Variants in SLC26A8 observed in about 807,000 individuals in gnomAD.
The protein encoded by SLC26A8 is testis anion transporter 1.
A neutral mutation model predicts 105.0 loss-of-function variants in SLC26A8; 70 were observed. The ratio of observed to expected loss-of-function variants is 0.67; its 90% confidence interval spans 0.55 to 0.81. The LOEUF (loss-of-function observed/expected upper bound fraction) is 0.81. Ranked by LOEUF, SLC26A8 falls within the 40% of genes least tolerant of loss-of-function variation. SLC26A8 has a pLI of 0.00. For synonymous variants in SLC26A8, 415 were observed against 438.3 expected (o/e 0.95, Z 0.66); for missense variants, 998 against 1,181.8 (o/e 0.84, Z 2.28).
At chr6:35,969,212 CTT>C (rs1772682764) in intron 10 of SLC26A8, 1 of 438,974 alleles carries the variant, frequency 2.3e-6, no homozygotes, top group African/African-American at 2.0e-5. Flanking sequence ...GCATTTGAAT[CTT>C]TACTGCCACT....
intron 10 of SLC26A8, among the ~76,000 whole-genome samples, chr6:35,972,826 C>T (rs1315332173): frequency 1.3e-5 from 2 of 152,228 alleles, no homozygotes; most frequent in East Asian, 1.9e-4. Context: ...CAATCGTCTG[C>T]CAAAACCCTC....
intron 16 of SLC26A8, among the ~76,000 whole-genome samples, chr6:35,956,935 A>C (rs1442602199): frequency 6.6e-6 from 1 of 151,748 alleles, no homozygotes; most frequent in East Asian, 1.9e-4. Flanking sequence ...AAAAAAAAAA[A>C]AACAAAAGCT....
chr6:35,979,407 C>T (rs939186693), intron 8 of SLC26A8, among the ~76,000 whole-genome samples: 4 of 151,962 alleles, frequency 2.6e-5, no homozygotes, highest in Admixed American at 2.6e-4. Context: ...ACCCGGGAGG[C>T]GGAGGTTGCA....
chr6:36,014,268 C>T (rs1260199823), intron 2 of SLC26A8, among the ~76,000 whole-genome samples: 1 of 152,164 alleles, frequency 6.6e-6, no homozygotes, highest in Non-Finnish European at 1.5e-5. Flanking sequence ...GCAAAGTCAT[C>T]AAAGCTCTTC....
intron 4 of SLC26A8, among the ~76,000 whole-genome samples, chr6:35,998,257 T>C (rs983720386): frequency 6.6e-6 from 1 of 151,996 alleles, no homozygotes; most frequent in African/African-American, 2.4e-5. Flanking sequence ...AGTGAAAATA[T>C]TAGAAAAGAA....
chr6:35,944,314 G>C lies in SLC26A8; in HGVS notation c.2499C>G (p.Ser833Arg). ...TTTTTTGGCTTCCTAGAAAACTGCT[G>C]CTCATTTTATATCTTGAATTGTCAT... ...DKNDNSRYKM[S>R]SSFLGSQKNV... is the part of the protein sequence containing the mutation. The change falls in exon 20 of 20, where the codon AGC becomes AGG. Residue 833 changes from serine to arginine, a missense_variant. By Grantham distance (110) the Ser-to-Arg change is moderately radical. Transcript: ENST00000490799. 1 of 1,612,884 alleles carries C rather than the reference G, an allele frequency of 6.2e-7. No homozygotes were observed.
rs576054499 is a variant in SLC26A8 at position 36,014,072 on chromosome 6, A to T, written c.189-1700T>A. 3.9e-5 allele frequency among the ~76,000 whole-genome samples: 6 copies of T among 152,356 alleles called. No homozygotes were observed. In the South Asian group the frequency reaches 1.2e-3, roughly 32 times the overall value. On this transcript the variant is annotated intron_variant, in intron 2 of 19. Transcript: ENST00000490799. ...GAGTAAGACCATTGGTTTGGAAGGA[A>T]CATCACATTGCTGTTCTTAGGAGAG...
At chr6:35,951,569 G>A in intron 17 of SLC26A8, 70 bp from the exon 18 acceptor site, 2 of 1,550,284 alleles carry the variant, frequency 1.3e-6, no homozygotes, top group East Asian at 4.5e-5. Context: ...AATTAGCTAA[G>A]TTTTTGTCTT....
intron 2 of SLC26A8, among the ~76,000 whole-genome samples, chr6:36,015,994 GTTTT>G (rs1195602569): frequency 6.9e-6 from 1 of 145,268 alleles, no homozygotes; most frequent in African/African-American, 2.5e-5. Flanking sequence ...AGGATTCTTT[GTTTT>G]TTTTTTTTCT....
chr6:36,015,724 A>G lies in SLC26A8; in HGVS notation c.189-3352T>C, dbSNP rs556240295. On this transcript the variant is annotated intron_variant, in intron 2 of 19. Transcript: ENST00000490799. Reference sequence around the variant, plus strand: ...CATGTCCCCCGATCCATCATGGAGCAGAGGAAGTGAGAGGACTGGGGGGGA... The same window carrying G: ...CATGTCCCCCGATCCATCATGGAGCGGAGGAAGTGAGAGGACTGGGGGGGA... Among the ~76,000 whole-genome samples, 60 of 152,196 alleles carry G rather than the reference A, an allele frequency of 3.9e-4. 1 individual carries two copies. Among genetic ancestry groups the G allele is most frequent in the Non-Finnish European group, 2.9e-5 (2 of 68,022 alleles).
intron 10 of SLC26A8, among the ~76,000 whole-genome samples, chr6:35,973,532 A>G (rs1214779244): frequency 1.3e-5 from 2 of 152,212 alleles, no homozygotes; most frequent in East Asian, 3.9e-4. Context: ...TTCTTAAAAC[A>G]TTATAAAATA....
At chr6:35,998,917 G>A (rs1368450270) in intron 4 of SLC26A8, among the ~76,000 whole-genome samples, 4 of 151,972 alleles carry the variant, frequency 2.6e-5, no homozygotes, top group Non-Finnish European at 4.4e-5. Context: ...ATTTTGAGAC[G>A]GAGTTTCGCT....
chr6:35,965,385 T>A (rs1387563381), intron 11 of SLC26A8, among the ~76,000 whole-genome samples: 16 of 152,092 alleles, frequency 1.1e-4, no homozygotes, highest in Non-Finnish European at 2.1e-4. Flanking sequence ...AGAAGCATTT[T>A]TGCTCACACC....
intron 4 of SLC26A8, among the ~76,000 whole-genome samples, chr6:35,999,228 C>T (rs1162846674): frequency 1.3e-5 from 2 of 152,142 alleles, no homozygotes; most frequent in East Asian, 1.9e-4. Flanking sequence ...TAGCACTTCA[C>T]GTCTGGAAGG....
intron 8 of SLC26A8, among the ~76,000 whole-genome samples, chr6:35,979,089 C>T (rs369087819): frequency 1.1e-4 from 16 of 147,336 alleles, no homozygotes; most frequent in African/African-American, 3.3e-4. Flanking sequence ...TGAGCTCAAG[C>T]GATTCGCCTG....
intron 10 of SLC26A8, among the ~76,000 whole-genome samples, chr6:35,970,245 A>G (rs1025662880): frequency 1.3e-5 from 2 of 152,184 alleles, no homozygotes; most frequent in East Asian, 1.9e-4. Flanking sequence ...TAGGGGGGGA[A>G]AACACACCTT....
rs78334848 is a variant in SLC26A8 at position 35,995,865 on chromosome 6, C to T, written c.627+1873G>A. 1.8e-3 allele frequency among the ~76,000 whole-genome samples: 272 copies of T among 152,236 alleles called. 4 individuals carry two copies. In the South Asian group the frequency reaches 0.037, roughly 21 times the overall value. ...GGCTTGAAGGAGAAGAGAAAGCATG[C>T]ATGAGGCCCCTTGATAATTAAAAGG... On this transcript the variant is annotated intron_variant, in intron 5 of 19. Transcript: ENST00000490799.
rs751695953 is a variant in SLC26A8, at chr6:35,955,263, TCTC to T, written c.2118_2120del (p.Arg707del). On this transcript the variant is annotated inframe_deletion, in exon 17 of 20. Transcript: ENST00000490799. ...ACGCATCTGAGTAAGGGATGAGTGA[TCTC>T]CTCCCCTGGCTTTCCGCCACATCAG... 2.5e-6 allele frequency: 4 copies of T among 1,614,150 alleles called. No homozygotes were observed. Among genetic ancestry groups the T allele is most frequent in the South Asian group, 1.1e-5 (1 of 91,076 alleles).
chr6:36,023,380 C>T (rs1199963728), intron 1 of SLC26A8, among the ~76,000 whole-genome samples: 1 of 151,870 alleles, frequency 6.6e-6, no homozygotes, highest in African/African-American at 2.4e-5. Flanking sequence ...GAAACCCCGT[C>T]TCTAATAAAA....
Sources: allele counts gnomAD v4.1 joint callset (sites outside exome capture counted in the v4.1 genomes callset), GRCh38; gene constraint gnomAD v4.1.1; transcripts MANE v1.5; gene names NCBI Gene and HGNC (gene_info 2026-07-23, HGNC 2026-07-21).